SLC35F4: variants seen among roughly 807,000 people sequenced by gnomAD.
SLC35F4 encodes the protein solute carrier family 35 member F4.
In SLC35F4, 24 loss-of-function variants were observed where a neutral mutation model predicts 44.2. That is an observed-to-expected ratio of 0.54 (90% confidence interval 0.39 to 0.76). SLC35F4 has a LOEUF of 0.76. Among genes scored for constraint, SLC35F4 ranks in the 30% least tolerant of loss-of-function variants. The pLI, the probability that SLC35F4 is intolerant of heterozygous loss-of-function variation, is 0.00. For missense variants in SLC35F4, 562 were observed against 586.1 expected, an observed-to-expected ratio of 0.96 and a Z score of 0.42; for synonymous variants, 238 against 223.6, an observed-to-expected ratio of 1.06 and a Z score of -0.57.
At chr14:57,688,806 C>G (rs942876734) in intron 1 of SLC35F4, among the ~76,000 whole-genome samples, 8 of 152,094 alleles carry the variant, frequency 5.3e-5, no homozygotes, top group African/African-American at 1.9e-4. Context: ...CTTGAAAATT[C>G]AAGCAGAATT....
chr14:57,777,231 A>G (rs1378807554), intron 1 of SLC35F4, among the ~76,000 whole-genome samples: 2 of 152,202 alleles, frequency 1.3e-5, no homozygotes, highest in Non-Finnish European at 2.9e-5. Context: ...ATTCCTCAAG[A>G]ATCTAGAACT....
intron 1 of SLC35F4, among the ~76,000 whole-genome samples, chr14:57,769,710 T>C (rs933331045): frequency 2.6e-5 from 4 of 152,178 alleles, no homozygotes; most frequent in South Asian, 2.1e-4. Context: ...AGGGCCCCTA[T>C]GGAAAGTATG....
chr14:57,954,136 C>T (rs1890193890), intron 1 of SLC35F4, among the ~76,000 whole-genome samples: 1 of 152,182 alleles, frequency 6.6e-6, no homozygotes, highest in South Asian at 2.1e-4. Flanking sequence ...CTCAAAACCA[C>T]ACAACTACAT....
intron 1 of SLC35F4, among the ~76,000 whole-genome samples, chr14:57,850,981 T>C (rs1446304868): frequency 1.3e-5 from 2 of 152,220 alleles, no homozygotes; most frequent in East Asian, 3.8e-4. Flanking sequence ...TTGAAACATG[T>C]CCACCCTCTT....
intron 1 of SLC35F4, among the ~76,000 whole-genome samples, chr14:57,816,677 A>C (rs1168465793): frequency 1.3e-5 from 2 of 152,238 alleles, no homozygotes; most frequent in Non-Finnish European, 2.9e-5. Context: ...CAAGTGACTA[A>C]AGCACAAAAT....
At chr14:57,867,169 A>C (rs1027651042), upstream of SLC35F4, among the ~76,000 whole-genome samples, 2 of 151,940 alleles carry the variant, frequency 1.3e-5, no homozygotes, top group African/African-American at 4.8e-5. Flanking sequence ...AGAAAAAAAG[A>C]GAAACAAAAG....
chr14:57,609,967 T>G (rs1014726882), intron 1 of SLC35F4, among the ~76,000 whole-genome samples: 6 of 152,220 alleles, frequency 3.9e-5, no homozygotes, highest in African/African-American at 1.4e-4. Flanking sequence ...GGAGCTGCTA[T>G]GTGAGGATAG....
intron 1 of SLC35F4, among the ~76,000 whole-genome samples, chr14:57,716,849 TTC>T (rs1226653850): frequency 6.6e-6 from 1 of 152,186 alleles, no homozygotes; most frequent in Admixed American, 6.5e-5. Flanking sequence ...TAAAATTTCT[TTC>T]TGTTAACCCA....
chr14:57,579,168 T>C (rs1353133116), intron 4 of SLC35F4, among the ~76,000 whole-genome samples: 1 of 152,220 alleles, frequency 6.6e-6, no homozygotes, highest in Non-Finnish European at 1.5e-5. Context: ...CAATATGATG[T>C]CCCCTTTTCA....
rs770823503 is a variant in SLC35F4, at chr14:57,864,236, T to C, written c.103+1487A>G. On this transcript the variant is annotated intron_variant, in intron 1 of 7. Coordinates refer to ENST00000556826, the MANE Select transcript of SLC35F4 (RefSeq NM_001306087.2). ...ATTTCCACAAGATATATTAGTTCCT[T>C]TACTTATGTTTCCAGGGTTAAAAAA... 9.8e-5 allele frequency among the ~76,000 whole-genome samples: 15 copies of C among 152,294 alleles called. No individual in the cohort carries two copies. In the East Asian group the frequency reaches 2.7e-3, roughly 27 times the overall value.
At chr14:57,619,332 T>G (rs1566692160) in intron 1 of SLC35F4, among the ~76,000 whole-genome samples, 1 of 152,234 alleles carries the variant, frequency 6.6e-6, no homozygotes, top group East Asian at 1.9e-4. Flanking sequence ...GGACAAAGTT[T>G]CTAGAGAAAG....
intron 1 of SLC35F4, among the ~76,000 whole-genome samples, chr14:57,606,027 G>A (rs867646195): frequency 7.2e-5 from 11 of 152,052 alleles, no homozygotes; most frequent in African/African-American, 2.7e-4. Flanking sequence ...TCACTACCTG[G>A]GTGACGGATT....
intron 1 of SLC35F4, among the ~76,000 whole-genome samples, chr14:57,632,182 A>G (rs2072808132): frequency 6.6e-6 from 1 of 152,100 alleles, no homozygotes; most frequent in Non-Finnish European, 1.5e-5. Context: ...TAGTTTCAAC[A>G]ACAAAAAGTC....
At chr14:57,691,347 C>G (rs1193207557) in intron 1 of SLC35F4, among the ~76,000 whole-genome samples, 1 of 152,166 alleles carries the variant, frequency 6.6e-6, no homozygotes, top group Non-Finnish European at 1.5e-5. Flanking sequence ...TCAAAGGAAA[C>G]TGCAGTCTGC....
chr14:57,776,406 A>T (rs1254156113), intron 1 of SLC35F4, among the ~76,000 whole-genome samples: 1 of 152,210 alleles, frequency 6.6e-6, no homozygotes, highest in Non-Finnish European at 1.5e-5. Flanking sequence ...ATGGTGGCTC[A>T]CACCTGTAAT....
At chr14:57,597,744 A>G (rs2070579499) in intron 1 of SLC35F4, among the ~76,000 whole-genome samples, 1 of 152,204 alleles carries the variant, frequency 6.6e-6, no homozygotes. Context: ...GTAGAAGCAA[A>G]TAGTCAGAGG....
chr14:57,966,899 A>G (rs898070170), intron 1 of SLC35F4, among the ~76,000 whole-genome samples: 9 of 152,068 alleles, frequency 5.9e-5, no homozygotes, highest in African/African-American at 1.9e-4. Flanking sequence ...AATTCCAGCT[A>G]CTCAGGAGAC....
At chr14:57,900,873 C>T (rs1054986892) in intron 1 of SLC35F4, among the ~76,000 whole-genome samples, 4 of 152,190 alleles carry the variant, frequency 2.6e-5, no homozygotes, top group Non-Finnish European at 4.4e-5. Flanking sequence ...CGAACAGACA[C>T]TTCTCAAAAG....
intron 1 of SLC35F4, among the ~76,000 whole-genome samples, chr14:57,828,358 G>C (rs1485638684): frequency 6.6e-6 from 1 of 152,058 alleles, no homozygotes; most frequent in African/African-American, 2.4e-5. Context: ...AGTCAGCATT[G>C]CAAGGAATTC....
Sources: allele counts gnomAD v4.1 joint callset (sites outside exome capture counted in the v4.1 genomes callset), GRCh38; gene constraint gnomAD v4.1.1; transcripts MANE v1.5; gene names NCBI Gene and HGNC (gene_info 2026-07-23, HGNC 2026-07-21).